Variants in TFDP1 observed in about 807,000 individuals in gnomAD.
TFDP1 encodes the protein DRTF1-polypeptide 1.
Under a neutral mutation model 48.0 loss-of-function variants are expected in TFDP1, and 6 were observed. That is an observed-to-expected ratio of 0.13 (90% CI 0.07 to 0.25). The LOEUF is 0.25. Among genes scored for constraint, TFDP1 ranks in the 10% least tolerant of loss-of-function variants. TFDP1 has a pLI of 1.00. For synonymous variants in TFDP1, 201 were observed against 211.6 expected (o/e 0.95, Z 0.44); for missense variants, 335 against 543.0 (o/e 0.62, Z 3.81).
At position 113,633,013 on chromosome 13, in the gene TFDP1, C is replaced by T; in HGVS notation, c.309-107C>T. 6 of 1,420,598 alleles carry T rather than the reference C, an allele frequency of 4.2e-6. No individual in the cohort carries two copies. Among genetic ancestry groups the T allele is most frequent in the Non-Finnish European group, 4.8e-6 (5 of 1,038,702 alleles). 88.0% of individuals were successfully genotyped at this position (1,420,598 alleles called of 1,614,324 possible). A position where few individuals can be genotyped will look rare whatever the true frequency, so the allele number is the denominator to read the frequency against. The stretch of plus-strand genomic sequence containing the variant: ...GATCTGCTGCGCCCGTGGGACGTGG[C>T]CCCTTTTTGTGCAGCTCATTAGAGC... On this transcript the variant is annotated intron_variant, in intron 5 of 11. Coordinates refer to ENST00000375370, the MANE Select transcript of TFDP1 (RefSeq NM_007111.5). The surrounding 1 kb of genome is among the most constrained non-coding windows in gnomAD (Gnocchi z 4.5).
At chr13:113,610,780 G>T (rs536678789) in intron 2 of TFDP1, among the ~76,000 whole-genome samples, 1 of 152,192 alleles carries the variant, frequency 6.6e-6, no homozygotes, top group Non-Finnish European at 1.5e-5. Context: ...CCTGGTGGAC[G>T]GTGCTGTTTT....
intron 5 of TFDP1, among the ~76,000 whole-genome samples, chr13:113,632,227 C>T (rs1314823277): frequency 1.3e-5 from 2 of 152,368 alleles, no homozygotes; most frequent in South Asian, 2.1e-4. Context: ...CTTAAAAACA[C>T]ACACACGCAA....
intron 2 of TFDP1, among the ~76,000 whole-genome samples, chr13:113,602,480 GCCTCTTCC>G (rs1279717322): frequency 2.6e-5 from 4 of 152,172 alleles, no homozygotes; most frequent in Admixed American, 6.5e-5. Context: ...TTATAGAGTG[GCCTCTTCC>G]CCAGGTCTCT....
At chr13:113,618,982 G>A (rs914775341) in intron 3 of TFDP1, among the ~76,000 whole-genome samples, 12 of 152,170 alleles carry the variant, frequency 7.9e-5, no homozygotes, top group African/African-American at 1.2e-4. Context: ...AAGTGAGTAC[G>A]TCCCTGCAGG....
intron 2 of TFDP1, among the ~76,000 whole-genome samples, chr13:113,609,367 G>C (rs61005956): frequency 6.7e-6 from 1 of 148,162 alleles, no homozygotes; most frequent in African/African-American, 2.7e-5. Context: ...GCCAGGGCTG[G>C]GACGGTGCCT....
intron 7 of TFDP1, 110 bp from the exon 8 acceptor site, chr13:113,634,424 C>A (rs949956093): frequency 2.2e-6 from 2 of 918,128 alleles, no homozygotes; most frequent in Non-Finnish European, 3.4e-6. Flanking sequence ...CCTTCGATTA[C>A]ATTCTGGGTA....
At chr13:113,610,378 A>C (rs115558237) in intron 2 of TFDP1, among the ~76,000 whole-genome samples, 11,534 of 146,022 alleles carry the variant, frequency 0.079, 583 homozygotes, top group Middle Eastern at 0.16. Flanking sequence ...CACACGTGTG[A>C]CCCCGCTGTG....
At chr13:113,606,639 TCCC>T (rs1244679129) in intron 2 of TFDP1, among the ~76,000 whole-genome samples, 1 of 152,104 alleles carries the variant, frequency 6.6e-6, no homozygotes, top group African/African-American at 2.4e-5. Context: ...CGCTCACGTC[TCCC>T]CAGTTCACCT....
intron 2 of TFDP1, among the ~76,000 whole-genome samples, chr13:113,604,619 T>C (rs966118501): frequency 7.0e-6 from 1 of 142,848 alleles, no homozygotes; most frequent in Non-Finnish European, 1.5e-5. Context: ...GCGCATCCTG[T>C]TGACACGAGC....
intron 4 of TFDP1, among the ~76,000 whole-genome samples, 194 bp from the exon 5 acceptor site, chr13:113,631,429 A>T (rs1019252982): frequency 6.6e-6 from 1 of 152,190 alleles, no homozygotes; most frequent in Non-Finnish European, 1.5e-5. Context: ...GATGAGCCAC[A>T]TTCAGAACCG....
At chr13:113,602,468 G>GT (rs59710902) in intron 2 of TFDP1, among the ~76,000 whole-genome samples, 13,177 of 152,210 alleles carry the variant, frequency 0.087, 698 homozygotes, top group Middle Eastern at 0.23. Context: ...CCCAGCTGCT[G>GT]TTTATAGAGT....
intron 2 of TFDP1, among the ~76,000 whole-genome samples, chr13:113,592,860 A>G (rs1437979521): frequency 3.8e-5 from 4 of 106,146 alleles, no homozygotes; most frequent in South Asian, 6.7e-4. Flanking sequence ...GCTGTGCCCA[A>G]GAGACAGTTG....
chr13:113,638,655 T>C (rs982577635), intron 11 of TFDP1, among the ~76,000 whole-genome samples: 13 of 152,260 alleles, frequency 8.5e-5, no homozygotes, highest in African/African-American at 3.1e-4. Context: ...TTCTATGCTA[T>C]TAAAGGGCCT....
chr13:113,594,080 G>A (rs1490092359), intron 2 of TFDP1, among the ~76,000 whole-genome samples: 6 of 112,536 alleles, frequency 5.3e-5, no homozygotes, highest in East Asian at 2.9e-4. Flanking sequence ...GTCCTCAGCC[G>A]TGCCCAGGTG....
At chr13:113,619,796 T>C (rs933799623) in intron 3 of TFDP1, among the ~76,000 whole-genome samples, 2 of 152,084 alleles carry the variant, frequency 1.3e-5, no homozygotes, top group South Asian at 4.1e-4. Context: ...TGCTGCTGGG[T>C]TGGTGTGGTG....
intron 4 of TFDP1, among the ~76,000 whole-genome samples, chr13:113,624,918 T>G (rs1327256831): frequency 7.2e-6 from 1 of 139,424 alleles, no homozygotes; most frequent in Admixed American, 7.2e-5. Context: ...TCACTTGTCC[T>G]CAGGTGTTTC....
intron 2 of TFDP1, among the ~76,000 whole-genome samples, chr13:113,592,178 G>A (rs1159426282): frequency 1.3e-5 from 2 of 152,130 alleles, no homozygotes; most frequent in Non-Finnish European, 2.9e-5. Context: ...GTTTCGAGAC[G>A]GAGTTTCGTT....
Position 113,585,778 on chromosome 13 carries a change from A to G in TFDP1, c.-60A>G. On this transcript the variant is annotated 5_prime_UTR_variant, in exon 2 of 12. Transcript: ENST00000375370. ...TTTTTTTTTTTTTTTTACCAGAAAA[A>G]TCATTTTTCTTCTCTGGGAAGGTGA... 6.9e-7 allele frequency: 1 copy of G among 1,453,414 alleles called. No homozygotes were observed. Among genetic ancestry groups the G allele is most frequent in the Non-Finnish European group, 9.3e-7 (1 of 1,075,002 alleles). 90.0% of individuals were successfully genotyped at this position (1,453,414 alleles called of 1,614,324 possible).
At chr13:113,585,080 G>A (rs2047963998) in intron 1 of TFDP1, among the ~76,000 whole-genome samples, 192 bp downstream of exon 1, 7 of 146,918 alleles carry the variant, frequency 4.8e-5, no homozygotes. Context: ...GGCTCCCCAG[G>A]TGACCGCGGG....
Sources: gnomAD v4.1 joint callset for allele counts (sites outside exome capture counted in the v4.1 genomes callset) on GRCh38, gnomAD v4.1.1 for gene constraint, Gnocchi (gnomAD v3.1) non-coding constraint, MANE v1.5 for transcripts, NCBI Gene and HGNC (gene_info 2026-07-23, HGNC 2026-07-21) for gene names.